Variants in SLC2A6 observed in about 807,000 individuals in gnomAD.
SLC2A6 encodes the protein solute carrier family 2 member 6.
Under a neutral mutation model 47.8 loss-of-function variants are expected in SLC2A6, and 39 were observed. The observed-to-expected ratio is 0.82, with a 90% CI of 0.63 to 1.07. The LOEUF is 1.07. SLC2A6 is among the 50% of genes least tolerant of loss of function. SLC2A6 has a pLI of 0.00. For missense variants in SLC2A6, 650 were observed against 707.6 expected, an observed-to-expected ratio of 0.92 and a Z score of 0.92; for synonymous variants, 346 against 324.1, an observed-to-expected ratio of 1.07 and a Z score of -0.73.
In SLC2A6 at chr9:133,475,425, T is replaced by C. The variant is rs1554803040; in HGVS notation, c.749A>G (p.Gln250Arg). ...CTGTCTCCGGACGTTGTCCTGGATC[T>C]GCTCGAACTCCCAGTGGACATCGAC... ...TDVDVHWEFE[Q>R]IQDNVRRQSS... Residue 250 changes from glutamine (Q) to arginine (R), a missense_variant, in exon 5 of 10, where the codon CAG becomes CGG. Coordinates refer to ENST00000371899, the MANE Select transcript of SLC2A6 (RefSeq NM_017585.4). The C allele has an allele frequency of 1.2e-6, 2 of 1,608,150 alleles. No homozygotes were observed. Among genetic ancestry groups the C allele is most frequent in the Non-Finnish European group, 8.5e-7 (1 of 1,176,948 alleles).
At chr9:133,475,264 G>A (rs1284659385) in intron 5 of SLC2A6, 136 bp downstream of exon 5, 2 of 1,360,570 alleles carry the variant, frequency 1.5e-6, no homozygotes, top group Admixed American at 2.8e-5. Flanking sequence ...TCTGGGAACA[G>A]CCCCCCACCC....
rs782690724 is a variant in SLC2A6 at position 133,472,191 on chromosome 9, C to T, written c.1369-15G>A. Reference sequence around the variant, plus strand: ...CCGAAGGTGCTCTGCGGGTGAAGAGCGGGGCCGGGTCACAGGGAGAAGCTC... The same window carrying T: ...CCGAAGGTGCTCTGCGGGTGAAGAGTGGGGCCGGGTCACAGGGAGAAGCTC... On this transcript the variant is annotated splice_polypyrimidine_tract_variant and intron_variant, in intron 9 of 9. Coordinates refer to ENST00000371899, the MANE Select transcript of SLC2A6 (RefSeq NM_017585.4). The T allele has an allele frequency of 1.5e-5, 24 of 1,611,048 alleles. No homozygotes were observed. The Admixed American group carries it at 1.8e-4, about 12-fold the overall frequency.
intron 2 of SLC2A6, among the ~76,000 whole-genome samples, chr9:133,477,984 G>C (rs1042920450): frequency 1.3e-5 from 2 of 152,086 alleles, no homozygotes; most frequent in African/African-American, 4.8e-5. Context: ...GTGGGGACCC[G>C]GGGAAGCCTC....
rs114902403 is a variant in SLC2A6 at position 133,477,106 on chromosome 9, C to T, written c.391G>A (p.Gly131Ser). The change falls in exon 3 of 10, where the codon GGC becomes AGC. Residue 131 changes from glycine (G) to serine (S), a missense_variant. Physicochemically the swap from Gly to Ser is moderately conservative, Grantham distance 56 (BLOSUM62 0). Coordinates refer to ENST00000371899, the MANE Select transcript of SLC2A6 (RefSeq NM_017585.4). ...AGYALMAGAH[G>S]LWMLLLGRTL... ...CTTCCGAGCAGCAGCATCCAGAGGC[C>T]GTGCGCACCCGCCATGAGCGCATAG... is the stretch of plus-strand genomic sequence containing the variant. 2.3e-5 allele frequency: 36 copies of T among 1,546,218 alleles called. No individual in the cohort carries two copies. The highest frequency in any genetic ancestry group is 2.0e-4 in the Admixed American group (10 of 50,360).
chr9:133,476,302 C>G lies in SLC2A6; in HGVS notation c.497G>C (p.Arg166Pro). 1.2e-6 allele frequency: 2 copies of G among 1,613,008 alleles called. No individual in the cohort carries two copies. The highest frequency in any genetic ancestry group is 1.7e-6 in the Non-Finnish European group (2 of 1,179,958). The change falls in exon 4 of 10, where the codon CGT becomes CCT. Residue 166 changes from arginine to proline, a missense_variant. Coordinates refer to ENST00000371899, the MANE Select transcript of SLC2A6 (RefSeq NM_017585.4). ...CTGGGGTGTGGCCCCCAGAGCCCCA[C>G]GAACGCCTGGGGGAGCAATCTCAGA... Reference protein sequence around the residue: ...YVSEIAPPGVRGALGATPQLM... With the variant: ...YVSEIAPPGVPGALGATPQLM...
intron 6 of SLC2A6, among the ~76,000 whole-genome samples, 191 bp from the exon 7 acceptor site, chr9:133,474,279 ATCTGC>A (rs902969019): frequency 6.6e-6 from 1 of 152,350 alleles, no homozygotes; most frequent in Middle Eastern, 3.4e-3. Flanking sequence ...GCAGGGACAC[ATCTGC>A]TCTGCCCACC....
intron 1 of SLC2A6, 52 bp downstream of exon 1, chr9:133,478,916 A>C: frequency 6.8e-7 from 1 of 1,476,300 alleles, no homozygotes; most frequent in African/African-American, 1.5e-5. Context: ...GCTGGAGGGA[A>C]CCAGGGCCAC....
At position 133,479,009 on chromosome 9, in the gene SLC2A6, G is replaced by A; in HGVS notation, c.51C>T (p.Pro17=). The A allele has an allele frequency of 6.3e-7, 1 of 1,599,862 alleles. No individual in the cohort carries two copies. The highest frequency in any genetic ancestry group is 1.9e-4 in the Middle Eastern group (1 of 5,172). ...CCCCTGGCGACGGGGGCGGCTTCTC[G>A]GGGAAGGTGTCGTAGTCCGGGCCCT... is the stretch of plus-strand genomic sequence containing the variant. ...GAEGPDYDTF[P]EKPPPSPGDR... is the part of the protein sequence containing the mutation. The change falls in exon 1 of 10, where the codon CCC becomes CCT. Residue 17 remains proline (P), a synonymous_variant. Transcript: ENST00000371899.
chr9:133,476,412 C>G (rs1843955843), intron 3 of SLC2A6, 76 bp from the exon 4 acceptor site: 2 of 1,249,426 alleles, frequency 1.6e-6, no homozygotes, highest in African/African-American at 1.5e-5. Context: ...GGAGAGTCAG[C>G]CCCTGTGAAC....
At position 133,478,252 on chromosome 9, in the gene SLC2A6, AC is replaced by A; in HGVS notation, c.255+1del. On this transcript the variant is annotated splice_donor_variant, in intron 2 of 9. Transcript: ENST00000371899. LOFTEE classifies it high-confidence loss of function. ...CACCCTCCTCCAGAGGATGGTCCTT[AC>A]CCCAAACCAGGATGCCTGGGATTTG... 6.2e-7 allele frequency: 1 copy of A among 1,613,814 alleles called. No individual in the cohort carries two copies. Among genetic ancestry groups the A allele is most frequent in the South Asian group, 1.1e-5 (1 of 91,070 alleles).
chr9:133,472,700 C>T (rs1003699795), intron 9 of SLC2A6, among the ~76,000 whole-genome samples: 7 of 152,108 alleles, frequency 4.6e-5, no homozygotes, highest in Non-Finnish European at 1.0e-4. Context: ...TCACAGGGCC[C>T]GTAGTTTTGA....
intron 9 of SLC2A6, 31 bp downstream of exon 9, chr9:133,473,074 A>AG (rs1554802079): frequency 1.9e-6 from 3 of 1,585,878 alleles, no homozygotes; most frequent in Admixed American, 1.9e-5. Flanking sequence ...GAGAGGGCCT[A>AG]GGGGCCTGGG....
At chr9:133,475,984 G>T (rs587649918) in intron 4 of SLC2A6, among the ~76,000 whole-genome samples, 1 of 152,278 alleles carries the variant, frequency 6.6e-6, no homozygotes, top group Non-Finnish European at 1.5e-5. Context: ...GCCGTTAAAA[G>T]ATAGTCTGGC....
At position 133,472,012 on chromosome 9, in the gene SLC2A6, G is replaced by T. The variant is rs1006705476; in HGVS notation, c.*9C>A. 5 of 1,610,672 alleles carry T rather than the reference G, an allele frequency of 3.1e-6. No individual in the cohort carries two copies. Among genetic ancestry groups the T allele is most frequent in the Non-Finnish European group, 4.2e-6 (5 of 1,178,132 alleles). On this transcript the variant is annotated 3_prime_UTR_variant, in exon 10 of 10. Transcript: ENST00000371899. ...GGGGGTTTGGCCCCCTCCAGGCGGGGACCTTGACCTAGCGCAAGAAGGACC... is the reference window on the plus strand; with the variant it reads ...GGGGGTTTGGCCCCCTCCAGGCGGGTACCTTGACCTAGCGCAAGAAGGACC...
At chr9:133,476,082 CA>C (rs1843936329) in intron 4 of SLC2A6, 154 bp downstream of exon 4, 1 of 620,722 alleles carries the variant, frequency 1.6e-6, no homozygotes, top group Admixed American at 3.0e-5. Context: ...AGGTGCCCAG[CA>C]AGGTGCTGAC....
Position 133,471,276 on chromosome 9 carries a change from G to A in SLC2A6, c.*745C>T, listed in dbSNP as rs376484284. On this transcript the variant is annotated 3_prime_UTR_variant, in exon 10 of 10. Coordinates refer to ENST00000371899, the MANE Select transcript of SLC2A6 (RefSeq NM_017585.4). ...AGTTTCACTCTCGTTGCCCAGGCTG[G>A]AGTGCAATGGCATGATCTCAGCTCA... is the stretch of plus-strand genomic sequence containing the variant. 17 of 148,014 alleles carry A rather than the reference G, an allele frequency of 1.1e-4. No homozygotes were observed. The highest frequency in any genetic ancestry group is 4.2e-4 in the African/African-American group (17 of 40,524). The allele number at this position is 148,014 out of a possible 1,614,324, so 9.2% of individuals were successfully genotyped here.
At position 133,479,095 on chromosome 9, in the gene SLC2A6, A is replaced by C. The variant is rs903099066; in HGVS notation, c.-36T>G. ...CTCTCGGGGCGAGCGGAGGGCGCTCAGACTGGAGCAGCCGCCCGGGGCCAG... is the reference window on the plus strand; with the variant it reads ...CTCTCGGGGCGAGCGGAGGGCGCTCCGACTGGAGCAGCCGCCCGGGGCCAG... On this transcript the variant is annotated 5_prime_UTR_variant, in exon 1 of 10. Coordinates refer to ENST00000371899, the MANE Select transcript of SLC2A6 (RefSeq NM_017585.4). 6.5e-7 allele frequency: 1 copy of C among 1,530,200 alleles called. No homozygotes were observed. The highest frequency in any genetic ancestry group is 8.7e-7 in the Non-Finnish European group (1 of 1,143,124). The allele number at this position is 1,530,200 out of a possible 1,614,324, so 94.8% of individuals were successfully genotyped here.
intron 3 of SLC2A6, 141 bp from the exon 4 acceptor site, chr9:133,476,477 C>T: frequency 2.9e-6 from 2 of 692,784 alleles, no homozygotes; most frequent in Non-Finnish European, 5.1e-6. Context: ...GGTCATGACT[C>T]ACTGCAAGAC....
chr9:133,472,646 C>T (rs1367966390), intron 9 of SLC2A6, among the ~76,000 whole-genome samples: 1 of 152,210 alleles, frequency 6.6e-6, no homozygotes, highest in Non-Finnish European at 1.5e-5. Flanking sequence ...TAGCCAGCTT[C>T]TCCCTCATGG....
Sources: gnomAD v4.1 joint callset for allele counts (sites outside exome capture counted in the v4.1 genomes callset) on GRCh38, gnomAD v4.1.1 for gene constraint, MANE v1.5 for transcripts, NCBI Gene and HGNC (gene_info 2026-07-23, HGNC 2026-07-21) for gene names.